Variants in PKN2 observed in about 807,000 individuals in gnomAD.
The protein encoded by PKN2 is serine/threonine-protein kinase N2.
Under a neutral mutation model 119.1 loss-of-function variants are expected in PKN2, and 38 were observed. That is an observed-to-expected ratio of 0.32 (90% CI 0.25 to 0.42). The LOEUF (loss-of-function observed/expected upper bound fraction) is 0.42, where lower values mean the gene tolerates loss of function less well. PKN2 is among the 10% of genes least tolerant of loss of function. The probability of loss-of-function intolerance (pLI) is 1.00; values close to 1 mark genes in which losing one functional copy is unlikely to be tolerated. For synonymous variants in PKN2, 390 were observed against 384.9 expected (o/e 1.01, Z -0.15); for missense variants, 850 against 1,165.1 (o/e 0.73, Z 3.94).
intron 8 of PKN2, among the ~76,000 whole-genome samples, chr1:88,788,345 A>G (rs1164063768): frequency 6.6e-6 from 1 of 152,158 alleles, no homozygotes; most frequent in Non-Finnish European, 1.5e-5. Flanking sequence ...ATTAGAAAAA[A>G]CGTTTTTAAA....
intron 1 of PKN2, among the ~76,000 whole-genome samples, chr1:88,725,927 G>T (rs1295080383): frequency 6.6e-6 from 1 of 152,036 alleles, no homozygotes; most frequent in Admixed American, 6.5e-5. Flanking sequence ...TACATATTTT[G>T]TTAGGTTTTT....
intron 8 of PKN2, 83 bp downstream of exon 8, chr1:88,786,296 T>C: frequency 1.5e-6 from 1 of 654,430 alleles, no homozygotes; most frequent in Non-Finnish European, 2.6e-6. Flanking sequence ...CTTCAACAAG[T>C]TGTATTCTTA....
In PKN2 at chr1:88,822,013, T is replaced by C. The variant is rs1010635066; in HGVS notation, c.2342+10T>C. ...ACAAAATTGTTTATAGGTAAGTTAA[T>C]TTTTAATTTTTTCTAATGGCTTGCT... On this transcript the variant is annotated intron_variant, in intron 17 of 21. Coordinates refer to ENST00000370521, the MANE Select transcript of PKN2 (RefSeq NM_006256.4). 4 of 1,526,690 alleles carry C rather than the reference T, an allele frequency of 2.6e-6. No homozygotes were observed. The highest frequency in any genetic ancestry group is 1.4e-5 in the African/African-American group (1 of 71,268). The allele number at this position is 1,526,690 out of a possible 1,614,324, so 94.6% of individuals were successfully genotyped here.
chr1:88,799,156 A>G (rs112364627), intron 8 of PKN2, among the ~76,000 whole-genome samples: 6 of 152,364 alleles, frequency 3.9e-5, no homozygotes, highest in African/African-American at 1.2e-4. Flanking sequence ...CATAGTTGAT[A>G]GAGCATAGCA....
In PKN2 at chr1:88,833,203, A is replaced by G. The variant is rs535550410; in HGVS notation, c.2752-42A>G. 33 of 1,609,808 alleles carry G rather than the reference A, an allele frequency of 2.0e-5. No homozygotes were observed. In the Middle Eastern group the frequency reaches 6.6e-4, roughly 32 times the overall value. On this transcript the variant is annotated intron_variant, in intron 21 of 21. Coordinates refer to ENST00000370521, the MANE Select transcript of PKN2 (RefSeq NM_006256.4). ...TTTTTTATGAAACTAGAGCGATTAGATTTAACAAACTAAACTAGTCATTTT... is the reference window on the plus strand; with the variant it reads ...TTTTTTATGAAACTAGAGCGATTAGGTTTAACAAACTAAACTAGTCATTTT...
intron 8 of PKN2, among the ~76,000 whole-genome samples, chr1:88,791,321 A>T (rs1476718223): frequency 6.6e-6 from 1 of 152,028 alleles, no homozygotes; most frequent in Admixed American, 6.6e-5. Context: ...TTGTAATCCC[A>T]GCTAACCTAG....
At chr1:88,777,854 A>G (rs1670167215) in intron 6 of PKN2, among the ~76,000 whole-genome samples, 1 of 152,210 alleles carries the variant, frequency 6.6e-6, no homozygotes, top group Admixed American at 6.5e-5. Flanking sequence ...CTGACTGAAC[A>G]GACTCTTTCA....
intron 3 of PKN2, among the ~76,000 whole-genome samples, chr1:88,770,093 T>A (rs944618012): frequency 6.6e-6 from 1 of 152,202 alleles, no homozygotes; most frequent in Non-Finnish European, 1.5e-5. Context: ...AAATAAATTT[T>A]AAAAATACAC....
intron 8 of PKN2, among the ~76,000 whole-genome samples, chr1:88,791,345 G>A (rs1376198739): frequency 6.6e-6 from 1 of 151,656 alleles, no homozygotes; most frequent in Admixed American, 6.6e-5. Context: ...GCTGAGGCAT[G>A]CGAATTGCTT....
chr1:88,778,738 G>A (rs779890860), intron 6 of PKN2, among the ~76,000 whole-genome samples: 14 of 150,610 alleles, frequency 9.3e-5, no homozygotes, highest in Non-Finnish European at 1.5e-4. Context: ...TTTCGAGACA[G>A]AGTCTCGCTC....
chr1:88,753,790 C>T (rs1017076951), intron 2 of PKN2, among the ~76,000 whole-genome samples: 1 of 152,040 alleles, frequency 6.6e-6, no homozygotes, highest in Non-Finnish European at 1.5e-5. Context: ...CACCCATGAT[C>T]CAGTCACCTC....
intron 1 of PKN2, among the ~76,000 whole-genome samples, chr1:88,714,135 G>A (rs1047712913): frequency 5.3e-5 from 8 of 152,062 alleles, no homozygotes; most frequent in African/African-American, 1.9e-4. Flanking sequence ...TGTTCCATTT[G>A]TCTATATCTC....
At chr1:88,739,250 A>T (rs935243529) in intron 1 of PKN2, among the ~76,000 whole-genome samples, 2 of 151,984 alleles carry the variant, frequency 1.3e-5, no homozygotes, top group Admixed American at 6.6e-5. Flanking sequence ...AGGTGGGAGG[A>T]TCACTTAGGC....
chr1:88,706,236 C>T (rs1298018038), intron 1 of PKN2, among the ~76,000 whole-genome samples: 1 of 152,092 alleles, frequency 6.6e-6, no homozygotes, highest in Non-Finnish European at 1.5e-5. Context: ...GTAAGTACTG[C>T]ATGTTTTTAT....
chr1:88,806,960 C>T (rs912748975), intron 12 of PKN2, among the ~76,000 whole-genome samples: 5 of 150,408 alleles, frequency 3.3e-5, no homozygotes, highest in South Asian at 4.3e-4. Flanking sequence ...TCAGGTGAGC[C>T]GCCCGCCTCG....
At chr1:88,769,911 T>C (rs546878313) in intron 3 of PKN2, among the ~76,000 whole-genome samples, 18 of 152,172 alleles carry the variant, frequency 1.2e-4, no homozygotes, top group Non-Finnish European at 2.2e-4. Context: ...ATAGTTAATA[T>C]TATATACTGA....
chr1:88,812,487 C>G (rs1671817186), intron 15 of PKN2, among the ~76,000 whole-genome samples: 1 of 152,256 alleles, frequency 6.6e-6, no homozygotes, highest in South Asian at 2.1e-4. Context: ...TACCTGTAAT[C>G]TCAGTACTTT....
intron 1 of PKN2, among the ~76,000 whole-genome samples, chr1:88,728,894 C>CTT (rs397844615): frequency 0.056 from 7,250 of 130,220 alleles, 383 homozygotes; most frequent in African/African-American, 0.13. Context: ...ACATCCCCAT[C>CTT]TTTTTTTTTT....
chr1:88,774,705 CTG>C (rs1670020552), intron 6 of PKN2, among the ~76,000 whole-genome samples: 1 of 151,338 alleles, frequency 6.6e-6, no homozygotes, highest in Non-Finnish European at 1.5e-5. Context: ...TTTTTCTACT[CTG>C]TTTTTATTTA....
Sources: gnomAD v4.1 joint callset for allele counts (sites outside exome capture counted in the v4.1 genomes callset) on GRCh38, gnomAD v4.1.1 for gene constraint, MANE v1.5 for transcripts, NCBI Gene and HGNC (gene_info 2026-07-23, HGNC 2026-07-21) for gene names.